TRAPPC11: variants seen among roughly 807,000 people sequenced by gnomAD.
TRAPPC11 encodes foie gras homolog.
A neutral mutation model predicts 151.2 loss-of-function variants in TRAPPC11; 104 were observed. That is an observed-to-expected ratio of 0.69 (90% CI 0.59 to 0.81). TRAPPC11 has a LOEUF of 0.81. TRAPPC11 is among the 30% of genes least tolerant of loss of function. TRAPPC11 has a pLI of 0.00. For missense variants in TRAPPC11, 1,230 were observed against 1,349.6 expected (o/e 0.91, Z 1.39); for synonymous variants, 456 against 472.3 (o/e 0.97, Z 0.45).
chr4:183,708,083 G>A (rs1307094047), intron 28 of TRAPPC11, among the ~76,000 whole-genome samples: 1 of 152,100 alleles, frequency 6.6e-6, no homozygotes, highest in Non-Finnish European at 1.5e-5. Flanking sequence ...GAACATAAAA[G>A]CTACCTGGGC....
rs566146413 is a variant in TRAPPC11, at chr4:183,706,480, A to G, written c.3056-327A>G. Among the ~76,000 whole-genome samples, 40 of 151,330 alleles carry G rather than the reference A, an allele frequency of 2.6e-4. No homozygotes were observed. The South Asian group carries it at 3.3e-3, about 13-fold the overall frequency. ...GGAGCTTGCAGTGAGCCGAGATAGCACCACTGCACTCCAGCCTGGGTGAAA... is the reference window on the plus strand; with the variant it reads ...GGAGCTTGCAGTGAGCCGAGATAGCGCCACTGCACTCCAGCCTGGGTGAAA... On this transcript the variant is annotated intron_variant, in intron 27 of 29. Transcript: ENST00000334690.
In TRAPPC11 at chr4:183,692,964, C is replaced by T; in HGVS notation, c.2054C>T (p.Thr685Ile). ...TEDVGKKIEI[T>I]SVDLALGNET... ...CATCCTTTTTTTTCTTTTTAGATTA[C>T]TTCAGTGGATCTTGCTCTGGGCAAT... Residue 685 changes from threonine to isoleucine, a missense_variant, in exon 20 of 30, where the codon ACT becomes ATT. Physicochemically the swap from Thr to Ile is moderately conservative, Grantham distance 89. Coordinates refer to ENST00000334690, the MANE Select transcript of TRAPPC11 (RefSeq NM_021942.6). The T allele has an allele frequency of 6.2e-7, 1 of 1,600,698 alleles. No homozygotes were observed. Among genetic ancestry groups the T allele is most frequent in the Non-Finnish European group, 8.5e-7 (1 of 1,173,504 alleles).
intron 2 of TRAPPC11, 25 bp downstream of exon 2, chr4:183,664,096 T>G: frequency 6.3e-7 from 1 of 1,575,852 alleles, no homozygotes; most frequent in Non-Finnish European, 8.7e-7. Context: ...ATGGCATGTG[T>G]TCTTTCCTTC....
chr4:183,662,807 A>G (rs1373514582), intron 1 of TRAPPC11, among the ~76,000 whole-genome samples: 1 of 151,920 alleles, frequency 6.6e-6, no homozygotes, highest in Non-Finnish European at 1.5e-5. Context: ...ATGTAGATCT[A>G]TTTTAATTTT....
intron 14 of TRAPPC11, 96 bp downstream of exon 14, chr4:183,684,455 T>C: frequency 8.3e-7 from 1 of 1,202,752 alleles, no homozygotes; most frequent in East Asian, 2.4e-5. Flanking sequence ...TATTTTCATA[T>C]TTATTTCTAT....
chr4:183,684,462 C>A, intron 14 of TRAPPC11, 103 bp downstream of exon 14: 2 of 1,151,894 alleles, frequency 1.7e-6, no homozygotes, highest in Non-Finnish European at 2.5e-6. Flanking sequence ...ATATTTATTT[C>A]TATTGTTGTT....
rs770109183 is a variant in TRAPPC11 at position 183,682,734 on chromosome 4, T to A, written c.1116T>A (p.Ala372=). The A allele has an allele frequency of 6.2e-7, 1 of 1,606,836 alleles. No individual in the cohort carries two copies. Among genetic ancestry groups the A allele is most frequent in the African/African-American group, 1.3e-5 (1 of 74,872 alleles). Residue 372 remains alanine (A), a splice_region_variant and synonymous_variant, in exon 11 of 30, where the codon GCT becomes GCA. Coordinates refer to ENST00000334690, the MANE Select transcript of TRAPPC11 (RefSeq NM_021942.6). Reference sequence around the variant, plus strand: ...TAGGTTTGTGTTTTAATTTACAGGCTTCTGTAATGTATCCCAATCCTGATC... The same window carrying A: ...TAGGTTTGTGTTTTAATTTACAGGCATCTGTAATGTATCCCAATCCTGATC... ...QLAKTLCNHE[A]SVMYPNPDPL... is the part of the protein sequence containing the mutation.
chr4:183,708,504 A>T lies in TRAPPC11; in HGVS notation c.3287A>T (p.Asn1096Ile). Reference protein sequence around the residue: ...GYQQLPSLNINLLRFPNFTNQ... With the variant: ...GYQQLPSLNIILLRFPNFTNQ... ...CAGCAGCTGCCATCTCTCAACATCA[A>T]CTTGCTTAGATTTCCTAACTTCACA... Residue 1096 changes from asparagine to isoleucine, a missense_variant, in exon 29 of 30, where the codon AAC (asparagine) becomes ATC (isoleucine). Physicochemically the swap from Asn to Ile is moderately radical, Grantham distance 149 (BLOSUM62 -3). Coordinates refer to ENST00000334690, the MANE Select transcript of TRAPPC11 (RefSeq NM_021942.6). The T allele has an allele frequency of 6.2e-7, 1 of 1,614,130 alleles. No individual in the cohort carries two copies. The highest frequency in any genetic ancestry group is 1.3e-5 in the African/African-American group (1 of 75,042).
At position 183,681,563 on chromosome 4, in the gene TRAPPC11, A is replaced by G. The variant is rs571435584; in HGVS notation, c.1114-1169A>G. The stretch of plus-strand genomic sequence containing the variant: ...TGGGAGGCTGAGGTGGGCAGATCAC[A>G]AGGTCAGGAGATCGAGACCATCCTG... On this transcript the variant is annotated intron_variant, in intron 10 of 29. Transcript: ENST00000334690. 7.5e-4 allele frequency among the ~76,000 whole-genome samples: 114 copies of G among 152,140 alleles called. 1 individual carries two copies. In the South Asian group the frequency reaches 0.015, roughly 20 times the overall value.
intron 9 of TRAPPC11, 107 bp from the exon 10 acceptor site, chr4:183,680,013 C>G: frequency 2.3e-6 from 2 of 855,168 alleles, no homozygotes; most frequent in East Asian, 2.6e-5. Context: ...ATCAATAGCA[C>G]CATTTTAACA....
chr4:183,691,288 T>A, intron 18 of TRAPPC11, 28 bp from the exon 19 acceptor site: 1 of 1,437,428 alleles, frequency 7.0e-7, no homozygotes, highest in South Asian at 1.8e-5. Flanking sequence ...ACATCTGACA[T>A]TTGATGACCC....
At position 183,691,332 on chromosome 4, in the gene TRAPPC11, G is replaced by A. The variant is rs746549862; in HGVS notation, c.1910G>A (p.Cys637Tyr). Residue 637 changes from cysteine to tyrosine, a missense_variant, in exon 19 of 30, where the codon TGT becomes TAT. Transcript: ENST00000334690. The stretch of plus-strand genomic sequence containing the variant: ...CTTTTTCAGGAATACAACCAGTTCT[G>A]TGTAATAGAAGAAGCATCCAAAGCA... Reference protein sequence around the residue: ...SFNNQEYNQFCVIEEASKANE... With the variant: ...SFNNQEYNQFYVIEEASKANE... 4 of 1,546,646 alleles carry A rather than the reference G, an allele frequency of 2.6e-6. No individual in the cohort carries two copies. The South Asian group carries it at 5.2e-5, about 20-fold the overall frequency.
At chr4:183,666,547 A>C (rs543042628) in intron 3 of TRAPPC11, 121 bp downstream of exon 3, 157 of 967,662 alleles carry the variant, frequency 1.6e-4, no homozygotes, top group Non-Finnish European at 4.4e-5. Flanking sequence ...ATTGACCTCC[A>C]GTGAATCTTG....
At position 183,701,763 on chromosome 4, in the gene TRAPPC11, T is replaced by C. The variant is rs370024286; in HGVS notation, c.2918T>C (p.Ile973Thr). Reference protein sequence around the residue: ...FCLQCPSLGNIEGGVATGHYI... With the variant: ...FCLQCPSLGNTEGGVATGHYI... ...CTTCAATGCCCATCTCTTGGAAATA[T>C]TGAAGGTGGAGTAGCAACCGGGCAT... Residue 973 changes from isoleucine to threonine, a missense_variant, in exon 26 of 30, where the codon ATT (isoleucine) becomes ACT (threonine). By Grantham distance (89) the Ile-to-Thr change is moderately conservative (BLOSUM62 -1). Coordinates refer to ENST00000334690, the MANE Select transcript of TRAPPC11 (RefSeq NM_021942.6). 5.6e-6 allele frequency: 9 copies of C among 1,613,946 alleles called. No homozygotes were observed. The highest frequency in any genetic ancestry group is 1.1e-5 in the South Asian group (1 of 91,090).
rs1737184150 is a variant in TRAPPC11 at position 183,708,407 on chromosome 4, AT to A, written c.3192del (p.Arg1065AspfsTer19). The A allele has an allele frequency of 6.2e-7, 1 of 1,611,542 alleles. No individual in the cohort carries two copies. Among genetic ancestry groups the A allele is most frequent in the Admixed American group, 1.7e-5 (1 of 59,576 alleles). Reference sequence around the variant, plus strand: ...TTCTCTGTGACTTTTTATGATGCAGATTCGATTACGTATCCTCCCTGGCACG... The same window carrying A: ...TTCTCTGTGACTTTTTATGATGCAGATCGATTACGTATCCTCCCTGGCACG... ...DAFMFSGLKQIRLRILPGTEQ... is the reference protein window; with the variant it reads ...DAFMFSGLKQXRLRILPGTEQ... On this transcript the variant is annotated frameshift_variant and splice_region_variant, in exon 29 of 30. Coordinates refer to ENST00000334690, the MANE Select transcript of TRAPPC11 (RefSeq NM_021942.6). LOFTEE classifies it high-confidence loss of function.
chr4:183,674,638 C>T, intron 5 of TRAPPC11, 75 bp from the exon 6 acceptor site: 1 of 775,620 alleles, frequency 1.3e-6, no homozygotes, highest in East Asian at 2.9e-5. Context: ...ACTTTCAGGT[C>T]TCACAAATAT....
chr4:183,666,771 G>A (rs936395197), intron 3 of TRAPPC11: 1 of 424,358 alleles, frequency 2.4e-6, no homozygotes, highest in Admixed American at 3.9e-5. Context: ...ACTCTGCAGT[G>A]TATCACCATA....
At chr4:183,664,842 C>CTCTGACATAGTAGTCTCTG (rs1734761589) in intron 2 of TRAPPC11, among the ~76,000 whole-genome samples, 2 of 152,006 alleles carry the variant, frequency 1.3e-5, no homozygotes, top group Admixed American at 6.6e-5. Context: ...AGAGCAGTGT[C>CTCTGACATAGTAGTCTCTG]TCTGACATAG....
At chr4:183,698,238 A>G (rs778089467) in intron 25 of TRAPPC11, among the ~76,000 whole-genome samples, 4 of 152,204 alleles carry the variant, frequency 2.6e-5, no homozygotes, top group African/African-American at 9.6e-5. Flanking sequence ...TAGAAGTTAC[A>G]TTTTCTGAGT....
Sources: allele counts gnomAD v4.1 joint callset (sites outside exome capture counted in the v4.1 genomes callset), GRCh38; gene constraint gnomAD v4.1.1; transcripts MANE v1.5; gene names NCBI Gene and HGNC (gene_info 2026-07-23, HGNC 2026-07-21).